ROBO2: variants seen among roughly 807,000 people sequenced by gnomAD.
ROBO2 encodes roundabout guidance receptor 2.
A neutral mutation model predicts 160.8 loss-of-function variants in ROBO2; 53 were observed. The ratio of observed to expected loss-of-function variants is 0.33; its 90% confidence interval spans 0.26 to 0.41. ROBO2 has a LOEUF of 0.41. ROBO2 is among the 10% of genes least tolerant of loss of function. The pLI, the probability that ROBO2 is intolerant of heterozygous loss-of-function variation, is 1.00. For synonymous variants in ROBO2, 664 were observed against 611.7 expected (o/e 1.09, Z -1.26); for missense variants, 1,577 against 1,722.4 (o/e 0.92, Z 1.49).
In ROBO2 at chr3:76,842,223, T is replaced by C. The variant is rs1433645070; in HGVS notation, c.110-255791T>C. On this transcript the variant is annotated intron_variant, in intron 2 of 26. Coordinates refer to the ROBO2 transcript ENST00000487694. ...GAAAACGTTATTACGGCTGTTGCTG[T>C]TGTAAGTGGAGCACACCCCAAATTC... Among the ~76,000 whole-genome samples, 3 of 152,202 alleles carry C rather than the reference T, an allele frequency of 2.0e-5. No homozygotes were observed. In the East Asian group the frequency reaches 5.8e-4, roughly 29 times the overall value.
intron 2 of ROBO2, among the ~76,000 whole-genome samples, chr3:76,182,694 A>G (rs570032664): frequency 6.6e-6 from 1 of 152,290 alleles, no homozygotes; most frequent in East Asian, 1.9e-4. Flanking sequence ...GAATGACTAT[A>G]GTACACCTAA....
chr3:77,395,044 GTT>G (rs1560714491), intron 2 of ROBO2, among the ~76,000 whole-genome samples: 1 of 152,110 alleles, frequency 6.6e-6, no homozygotes, highest in East Asian at 1.9e-4. Context: ...TTCCTTAGTA[GTT>G]TCTCTTGCTA....
At chr3:76,373,242 C>G (rs908065712) in intron 2 of ROBO2, among the ~76,000 whole-genome samples, 4 of 152,042 alleles carry the variant, frequency 2.6e-5, no homozygotes, top group African/African-American at 7.2e-5. Context: ...GCTTTTTCCT[C>G]TCCCTGCCTG....
At chr3:76,579,522 A>T (rs956555676) in intron 2 of ROBO2, among the ~76,000 whole-genome samples, 1 of 152,160 alleles carries the variant, frequency 6.6e-6, no homozygotes, top group East Asian at 1.9e-4. Flanking sequence ...TCCACAACTA[A>T]TTCTACAGAA....
intron 2 of ROBO2, among the ~76,000 whole-genome samples, chr3:76,924,295 A>G (rs368765912): frequency 1.3e-5 from 2 of 152,156 alleles, no homozygotes; most frequent in African/African-American, 4.8e-5. Context: ...CTGGAAGGTG[A>G]TGAGAACACG....
At chr3:77,197,578 T>C (rs7432109) in intron 2 of ROBO2, among the ~76,000 whole-genome samples, 57,302 of 152,098 alleles carry the variant, frequency 0.38, 12,286 homozygotes, top group Middle Eastern at 0.59. Context: ...ATTTGAACAC[T>C]GCTGACCTTT....
intron 2 of ROBO2, among the ~76,000 whole-genome samples, chr3:76,857,514 G>A (rs778729555): frequency 6.6e-6 from 1 of 152,030 alleles, no homozygotes. Context: ...ATGACATACC[G>A]ATTTGTGTGT....
chr3:76,490,763 G>A (rs916610141), intron 2 of ROBO2, among the ~76,000 whole-genome samples: 1 of 152,014 alleles, frequency 6.6e-6, no homozygotes, highest in Admixed American at 6.6e-5. Flanking sequence ...AATGTCTATC[G>A]CATTAGTTAT....
chr3:75,936,245 G>A (rs1015854088), intron 1 of ROBO2, among the ~76,000 whole-genome samples: 25 of 152,264 alleles, frequency 1.6e-4, no homozygotes, highest in South Asian at 2.1e-4. Context: ...TGCAAAGTTG[G>A]TAATTAAATC....
Position 76,877,703 on chromosome 3 carries a change from A to G in ROBO2, c.110-220311A>G, listed in dbSNP as rs918914897. On this transcript the variant is annotated intron_variant, in intron 2 of 26. Coordinates refer to the ROBO2 transcript ENST00000487694. ...GCTCCAGCTGCCATAGCAAATTACC[A>G]TAGACTGGGTGGCTTAAACAACAAT... 5.3e-5 allele frequency among the ~76,000 whole-genome samples: 8 copies of G among 152,310 alleles called. No individual in the cohort carries two copies. The Middle Eastern group carries it at 0.01, about 194-fold the overall frequency.
intron 2 of ROBO2, among the ~76,000 whole-genome samples, chr3:76,713,922 G>A (rs921131816): frequency 6.6e-6 from 1 of 151,396 alleles, no homozygotes; most frequent in African/African-American, 2.4e-5. Flanking sequence ...AATCAGGGTA[G>A]TTTCTTAAGT....
intron 2 of ROBO2, among the ~76,000 whole-genome samples, chr3:77,432,042 A>G (rs1391126407): frequency 1.3e-5 from 2 of 152,066 alleles, no homozygotes; most frequent in Admixed American, 6.6e-5. Context: ...AGGCTGAGCA[A>G]TTTTCTCTGC....
intron 2 of ROBO2, among the ~76,000 whole-genome samples, chr3:76,428,062 CT>C (rs569167613): frequency 2.0e-5 from 3 of 152,084 alleles, no homozygotes; most frequent in South Asian, 2.1e-4. Flanking sequence ...AAATGGATGA[CT>C]TTTTTTTCTC....
At chr3:76,393,552 C>G (rs189742636) in intron 2 of ROBO2, among the ~76,000 whole-genome samples, 1 of 151,952 alleles carries the variant, frequency 6.6e-6, no homozygotes, top group Non-Finnish European at 1.5e-5. Flanking sequence ...TGAGTTCTTG[C>G]GTTTATTAGA....
intron 2 of ROBO2, among the ~76,000 whole-genome samples, chr3:76,802,450 C>A (rs1019260948): frequency 6.6e-6 from 1 of 151,974 alleles, no homozygotes; most frequent in Non-Finnish European, 1.5e-5. Context: ...CTTCAGAGGC[C>A]GGGCGCGGTG....
intron 2 of ROBO2, among the ~76,000 whole-genome samples, chr3:77,463,470 G>A (rs988532836): frequency 4.6e-5 from 7 of 152,088 alleles, no homozygotes; most frequent in South Asian, 4.2e-4. Flanking sequence ...TATTCATAGC[G>A]ATGATCGCTT....
chr3:76,535,274 TG>T (rs2082433580), intron 2 of ROBO2, among the ~76,000 whole-genome samples: 1 of 152,026 alleles, frequency 6.6e-6, no homozygotes, highest in African/African-American at 2.4e-5. Flanking sequence ...GGGACTTGTC[TG>T]GTTTCTGGAT....
chr3:77,120,813 CATTGGT>C (rs2074680105), intron 2 of ROBO2, among the ~76,000 whole-genome samples: 1 of 152,120 alleles, frequency 6.6e-6, no homozygotes. Context: ...CTTAAACAGG[CATTGGT>C]ATTTTGAAAT....
chr3:76,875,121 A>G (rs557841016), intron 2 of ROBO2, among the ~76,000 whole-genome samples: 8 of 152,116 alleles, frequency 5.3e-5, no homozygotes, highest in African/African-American at 1.9e-4. Flanking sequence ...GGCTTCATGC[A>G]GTGTTCAACC....
Sources: allele counts gnomAD v4.1 joint callset (sites outside exome capture counted in the v4.1 genomes callset), GRCh38; gene constraint gnomAD v4.1.1; transcripts MANE v1.5; gene names NCBI Gene and HGNC (gene_info 2026-07-23, HGNC 2026-07-21).